Variants in WASHC4 observed in about 807,000 individuals in gnomAD.
WASHC4 encodes the protein WASH complex subunit 4, also known as WASH complex subunit 7.
WASHC4 carries 86 observed loss-of-function variants against 166.6 expected under a neutral mutation model. The ratio of observed to expected loss-of-function variants is 0.52; its 90% CI spans 0.43 to 0.62. The LOEUF (loss-of-function observed/expected upper bound fraction) is 0.62. Ranked by LOEUF, WASHC4 falls within the 20% of genes least tolerant of loss-of-function variation. The pLI is 0.00. For missense variants in WASHC4, 1,262 were observed against 1,382.4 expected, an observed-to-expected ratio of 0.91 and a Z score of 1.38; for synonymous variants, 446 against 451.6, an observed-to-expected ratio of 0.99 and a Z score of 0.16.
At chr12:105,147,713 C>G (rs1883422813) in intron 24 of WASHC4, 2 of 417,334 alleles carry the variant, frequency 4.8e-6, no homozygotes, top group Non-Finnish European at 3.2e-6. Context: ...CAAGACCAGC[C>G]TGACCAACAT....
rs756234220 is a variant in WASHC4 at position 105,144,408 on chromosome 12, T to A, written c.2132T>A (p.Phe711Tyr). Reference sequence around the variant, plus strand: ...GGCATGAAAGACCTGGCTCTTTTTTTCTCTCTGAATCCAATTCGGTTTTTC... The same window carrying A: ...GGCATGAAAGACCTGGCTCTTTTTTACTCTCTGAATCCAATTCGGTTTTTC... ...KVGMKDLALF[F>Y]SLNPIRFFNR... The change falls in exon 21 of 33, where the codon TTC becomes TAC. Residue 711 changes from phenylalanine to tyrosine, a missense_variant. Physicochemically the swap from Phe to Tyr is conservative, Grantham distance 22. Transcript: ENST00000332180. 6.2e-7 allele frequency: 1 copy of A among 1,613,588 alleles called. No homozygotes were observed.
At chr12:105,162,719 T>A (rs1316828034) in intron 29 of WASHC4, 30 bp from the exon 30 acceptor site, 3 of 1,170,468 alleles carry the variant, frequency 2.6e-6, no homozygotes, top group Non-Finnish European at 3.8e-6. Flanking sequence ...AGCAAAATTG[T>A]TTTTCTAACA....
chr12:105,141,462 C>T (rs1440867617), intron 18 of WASHC4, among the ~76,000 whole-genome samples: 2 of 152,196 alleles, frequency 1.3e-5, no homozygotes, highest in Admixed American at 1.3e-4. Context: ...GAAAAACTCA[C>T]ATGAGAAAAA....
intron 30 of WASHC4, among the ~76,000 whole-genome samples, chr12:105,163,670 T>G (rs1388043084): frequency 6.6e-6 from 1 of 152,012 alleles, no homozygotes; most frequent in Non-Finnish European, 1.5e-5. Flanking sequence ...TCTGGCTAAT[T>G]AAAAAAATTT....
chr12:105,156,868 G>T, intron 27 of WASHC4, 76 bp downstream of exon 27: 2 of 990,692 alleles, frequency 2.0e-6, no homozygotes, highest in South Asian at 2.6e-5. Flanking sequence ...TGTTACAAGT[G>T]ATATTGTAGA....
At chr12:105,117,887 A>C (rs1437834638) in intron 6 of WASHC4, among the ~76,000 whole-genome samples, 1 of 152,232 alleles carries the variant, frequency 6.6e-6, no homozygotes, top group African/African-American at 2.4e-5. Flanking sequence ...TTATTTAATG[A>C]CAAACATATC....
chr12:105,142,974 GTTCTTT>G (rs1471921285), intron 19 of WASHC4, among the ~76,000 whole-genome samples, 147 bp from the exon 20 acceptor site: 3 of 151,952 alleles, frequency 2.0e-5, no homozygotes, highest in East Asian at 1.9e-4. Flanking sequence ...TATGCTTTAG[GTTCTTT>G]TTCTTTAGGA....
intron 26 of WASHC4, 157 bp from the exon 27 acceptor site, chr12:105,156,569 G>A: frequency 1.9e-6 from 1 of 535,700 alleles, no homozygotes; most frequent in Non-Finnish European, 3.3e-6. Flanking sequence ...ATATGTAACA[G>A]TTTTACTTTT....
intron 15 of WASHC4, among the ~76,000 whole-genome samples, chr12:105,140,004 A>G (rs1030473092): frequency 4.6e-5 from 7 of 151,350 alleles, no homozygotes; most frequent in African/African-American, 1.7e-4. Flanking sequence ...CCTCAGCTAC[A>G]GGAACTACAG....
chr12:105,113,322 A>G (rs1268138576), intron 2 of WASHC4, among the ~76,000 whole-genome samples: 2 of 152,000 alleles, frequency 1.3e-5, no homozygotes, highest in Non-Finnish European at 2.9e-5. Flanking sequence ...GGCCTCTTCT[A>G]GATAGGATTA....
rs745477166 is a variant in WASHC4 at position 105,146,417 on chromosome 12, A to G, written c.2335-35A>G. ...CAAGTTTAACTGATTATTTTAATGA[A>G]TTATAATAAAACTTGTATGTGTATT... On this transcript the variant is annotated intron_variant, in intron 22 of 32. Transcript: ENST00000332180. The G allele has an allele frequency of 6.8e-6, 8 of 1,182,624 alleles. No homozygotes were observed. The East Asian group carries it at 1.6e-4, about 24-fold the overall frequency. The allele number at this position is 1,182,624 out of a possible 1,614,324, so 73.3% of individuals were successfully genotyped here. A position where few individuals can be genotyped will look rare whatever the true frequency, so the allele number is the denominator to read the frequency against.
intron 13 of WASHC4, among the ~76,000 whole-genome samples, chr12:105,127,698 A>G (rs1047236349): frequency 1.3e-5 from 2 of 152,012 alleles, no homozygotes; most frequent in Admixed American, 6.5e-5. Context: ...TATTTTTATG[A>G]AAATAGTATA....
chr12:105,124,039 G>A lies in WASHC4; in HGVS notation c.786+1801G>A, dbSNP rs182734350. Reference sequence around the variant, plus strand: ...AAATGTTAGCATTTTTAGCAATAAAGTGTTTTTTAATTAATATACTTTTTT... The same window carrying A: ...AAATGTTAGCATTTTTAGCAATAAAATGTTTTTTAATTAATATACTTTTTT... On this transcript the variant is annotated intron_variant, in intron 10 of 32. Coordinates refer to ENST00000332180, the MANE Select transcript of WASHC4 (RefSeq NM_015275.3). Among the ~76,000 whole-genome samples the A allele has an allele frequency of 1.4e-4, 21 of 151,834 alleles. No homozygotes were observed. The East Asian group carries it at 4.1e-3, about 29-fold the overall frequency.
intron 1 of WASHC4, among the ~76,000 whole-genome samples, chr12:105,110,779 A>G (rs1170448895): frequency 2.0e-5 from 3 of 152,184 alleles, no homozygotes; most frequent in African/African-American, 7.2e-5. Flanking sequence ...GTTGTTCATG[A>G]CTAAAAGATA....
intron 26 of WASHC4, chr12:105,156,523 T>C (rs191389997): frequency 6.1e-6 from 2 of 325,430 alleles, no homozygotes; most frequent in South Asian, 7.4e-5. Flanking sequence ...AATATAGTTA[T>C]ATATAAGTAT....
chr12:105,158,431 C>G (rs752866487), intron 28 of WASHC4, among the ~76,000 whole-genome samples: 8 of 152,234 alleles, frequency 5.3e-5, no homozygotes, highest in Non-Finnish European at 8.8e-5. Context: ...AATGTAATGT[C>G]AAGTACCTAG....
chr12:105,148,413 G>C, intron 24 of WASHC4: 1 of 985,400 alleles, frequency 1.0e-6, no homozygotes, highest in Non-Finnish European at 1.2e-6. Flanking sequence ...GCACTAGTGT[G>C]AGAAAAACAC....
chr12:105,146,677 C>T (rs1001785688), intron 23 of WASHC4, 151 bp downstream of exon 23: 26 of 634,612 alleles, frequency 4.1e-5, no homozygotes, highest in Non-Finnish European at 2.2e-5. Flanking sequence ...CTTGATTATA[C>T]CAGTTGTGTA....
intron 2 of WASHC4, 32 bp from the exon 3 acceptor site, chr12:105,114,184 A>G (rs750912855): frequency 3.3e-5 from 53 of 1,591,864 alleles, no homozygotes; most frequent in South Asian, 2.3e-4. Context: ...TTTTCAAATT[A>G]AAAGAAATGT....
Sources: allele counts gnomAD v4.1 joint callset (sites outside exome capture counted in the v4.1 genomes callset), GRCh38; gene constraint gnomAD v4.1.1; transcripts MANE v1.5; gene names NCBI Gene and HGNC (gene_info 2026-07-23, HGNC 2026-07-21).